FCRL2: variants seen among roughly 807,000 people sequenced by gnomAD.
The protein encoded by FCRL2 is Fc receptor like 2.
In FCRL2, 48 loss-of-function variants were observed where a neutral mutation model predicts 59.8. The observed-to-expected ratio is 0.80, with a 90% CI of 0.64 to 1.02. The LOEUF (loss-of-function observed/expected upper bound fraction) is 1.02. FCRL2 is among the 50% of genes least tolerant of loss of function. The pLI, the probability that FCRL2 is intolerant of heterozygous loss-of-function variation, is 0.00. For missense variants in FCRL2, 658 were observed against 597.3 expected (o/e 1.10, Z -1.06); for synonymous variants, 251 against 229.5 (o/e 1.09, Z -0.85).
At chr1:157,767,592 G>A in intron 5 of FCRL2, 83 bp from the exon 6 acceptor site, 2 of 1,614,204 alleles carry the variant, frequency 1.2e-6, no homozygotes, top group Non-Finnish European at 1.7e-6. Context: ...GCTCAGCAAA[G>A]GGCCTGGCCC....
chr1:157,764,060 C>T (rs1290257542), intron 7 of FCRL2, among the ~76,000 whole-genome samples: 1 of 149,282 alleles, frequency 6.7e-6, no homozygotes, highest in Non-Finnish European at 1.5e-5. Context: ...AAAAAATAGC[C>T]GGGTGTGGTG....
In FCRL2 at chr1:157,746,666, A is replaced by G; in HGVS notation, c.*70T>C. The G allele has an allele frequency of 6.6e-7, 1 of 1,515,064 alleles. No individual in the cohort carries two copies. The highest frequency in any genetic ancestry group is 2.3e-5 in the East Asian group (1 of 44,224). 93.9% of individuals were successfully genotyped at this position (1,515,064 alleles called of 1,614,324 possible). A position where few individuals can be genotyped will look rare whatever the true frequency, so the allele number is the denominator to read the frequency against. ...GGTGATAAGCCTCAAGCATTTTCAT[A>G]AGGTTTTATAGCAAGTCTTAATGAT... On this transcript the variant is annotated 3_prime_UTR_variant, in exon 12 of 12. Coordinates refer to ENST00000361516, the MANE Select transcript of FCRL2 (RefSeq NM_030764.4).
At chr1:157,755,823 TAA>T (rs1648548421) in intron 7 of FCRL2, among the ~76,000 whole-genome samples, 1 of 152,218 alleles carries the variant, frequency 6.6e-6, no homozygotes, top group Non-Finnish European at 1.5e-5. Flanking sequence ...TGACATCACA[TAA>T]GTCTAAAATA....
rs758547361 is a variant in FCRL2, at chr1:157,768,667, C to T, written c.630G>A (p.Arg210=). 1.2e-6 allele frequency: 2 copies of T among 1,613,662 alleles called. No individual in the cohort carries two copies. Among genetic ancestry groups the T allele is most frequent in the Non-Finnish European group, 1.7e-6 (2 of 1,179,746 alleles). The part of the protein sequence containing the change: ...IPISNVSLEI[R]APGGQVTEGQ... ...CTTCAGTCACCTGTCCCCCGGGGGC[C>T]CGGATCTCCAAGCTTACATTAGAGA... Residue 210 remains arginine (R), a synonymous_variant, in exon 5 of 12, where the codon CGG becomes CGA. Transcript: ENST00000361516.
chr1:157,767,396 G>A lies in FCRL2; in HGVS notation c.997C>T (p.Gln333Ter), dbSNP rs754089546. 8.7e-6 allele frequency: 14 copies of A among 1,614,108 alleles called. No homozygotes were observed. Among genetic ancestry groups the A allele is most frequent in the Non-Finnish European group, 1.1e-5 (13 of 1,180,046 alleles). Residue 333 changes from glutamine (Q) to a stop codon, truncating the protein, a stop_gained, in exon 6 of 12, where the codon CAA becomes TAA. Transcript: ENST00000361516. LOFTEE classifies it high-confidence loss of function. ...ALRGSPPILYQFYHEDVTLGN... is the reference protein window; with the variant it reads ...ALRGSPPILY ...AGGGTGACATCCTCATGATAAAATT[G>A]GTACAAGATTGGGGGAGAGCCTCTC...
At chr1:157,757,721 G>C (rs1041351996) in intron 7 of FCRL2, among the ~76,000 whole-genome samples, 3 of 152,188 alleles carry the variant, frequency 2.0e-5, no homozygotes, top group African/African-American at 4.8e-5. Context: ...CCAGCACTTC[G>C]GGAGGCCGAT....
chr1:157,748,145 G>A (rs1647896208), intron 10 of FCRL2, among the ~76,000 whole-genome samples: 1 of 152,086 alleles, frequency 6.6e-6, no homozygotes, highest in South Asian at 2.1e-4. Flanking sequence ...CTGGCTGGGT[G>A]CAGTGGCTCA....
chr1:157,747,430 C>T (rs1647834987), intron 10 of FCRL2, among the ~76,000 whole-genome samples: 1 of 152,146 alleles, frequency 6.6e-6, no homozygotes, highest in Non-Finnish European at 1.5e-5. Flanking sequence ...AGATTTACAG[C>T]TAGAGGGCTT....
chr1:157,763,527 A>C (rs769734510), intron 7 of FCRL2, among the ~76,000 whole-genome samples: 4 of 152,102 alleles, frequency 2.6e-5, no homozygotes, highest in Non-Finnish European at 4.4e-5. Flanking sequence ...ACTCCATCTC[A>C]AAAAACAAAC....
chr1:157,774,007 A>G (rs1490842837), intron 2 of FCRL2, among the ~76,000 whole-genome samples: 1 of 152,236 alleles, frequency 6.6e-6, no homozygotes, highest in Non-Finnish European at 1.5e-5. Context: ...TAGGAGCACA[A>G]AGATTTAACT....
intron 2 of FCRL2, among the ~76,000 whole-genome samples, chr1:157,772,477 C>A (rs940575877): frequency 6.6e-6 from 1 of 152,126 alleles, no homozygotes; most frequent in African/African-American, 2.4e-5. Flanking sequence ...CAGGGTGAGC[C>A]GGCTTGCAGC....
intron 7 of FCRL2, among the ~76,000 whole-genome samples, chr1:157,760,711 GA>G (rs1648993372): frequency 1.7e-5 from 1 of 58,036 alleles, no homozygotes. Flanking sequence ...AAGAAAGAAA[GA>G]AAGAAAGAAA....
chr1:157,748,120 T>C (rs1277953149), intron 10 of FCRL2, among the ~76,000 whole-genome samples: 3 of 152,130 alleles, frequency 2.0e-5, no homozygotes, highest in Admixed American at 6.5e-5. Context: ...AAGTGATGTA[T>C]TAAAGCCTCT....
chr1:157,758,538 G>A (rs74476422), intron 7 of FCRL2, among the ~76,000 whole-genome samples: 2,684 of 151,816 alleles, frequency 0.018, 67 homozygotes, highest in African/African-American at 0.06. Flanking sequence ...GGTTGTTAAA[G>A]TGGCCACACT....
Position 157,767,245 on chromosome 1 carries a change from G to A in FCRL2, c.1148C>T (p.Pro383Leu). The A allele has an allele frequency of 6.2e-7, 1 of 1,613,024 alleles. No homozygotes were observed. The highest frequency in any genetic ancestry group is 1.1e-5 in the South Asian group (1 of 90,916). Residue 383 changes from proline to leucine, a missense_variant, in exon 6 of 12, where the codon CCA (proline) becomes CTA (leucine). By Grantham distance (98) the Pro-to-Leu change is moderately conservative (BLOSUM62 -3). Transcript: ENST00000361516. ...CACCCACCCACCTGAGATGGAGACT[G>A]GCACTGCCTCACTGCACTGGGCCCC... ...GLGAQCSEAV[P>L]VSISGPDGYR...
chr1:157,774,856 C>T (rs184338862), intron 2 of FCRL2, among the ~76,000 whole-genome samples: 3 of 152,224 alleles, frequency 2.0e-5, no homozygotes, highest in Non-Finnish European at 4.4e-5. Context: ...TTCCTTAGAG[C>T]CCAAAGAGCC....
chr1:157,747,693 A>G (rs1228825507), intron 10 of FCRL2, among the ~76,000 whole-genome samples: 5 of 152,216 alleles, frequency 3.3e-5, no homozygotes, highest in Non-Finnish European at 2.9e-5. Flanking sequence ...GGTTGTTGAT[A>G]TAAGCATTGT....
intron 7 of FCRL2, among the ~76,000 whole-genome samples, chr1:157,760,743 GAAAGA>G (rs1649014774): frequency 6.8e-6 from 1 of 146,144 alleles, no homozygotes; most frequent in Non-Finnish European, 1.5e-5. Context: ...AAGAAAGAAA[GAAAGA>G]AAGAAAGAAG....
chr1:157,755,462 T>C (rs1273817160), intron 7 of FCRL2, among the ~76,000 whole-genome samples: 1 of 152,198 alleles, frequency 6.6e-6, no homozygotes, highest in East Asian at 1.9e-4. Context: ...CTTGACAATA[T>C]CTATCAAATT....
Sources: allele counts gnomAD v4.1 joint callset (sites outside exome capture counted in the v4.1 genomes callset), GRCh38; gene constraint gnomAD v4.1.1; transcripts MANE v1.5; gene names NCBI Gene and HGNC (gene_info 2026-07-23, HGNC 2026-07-21).